DPP9: variants seen among roughly 807,000 people sequenced by gnomAD.
DPP9 encodes the protein dipeptidyl peptidase 9.
DPP9 carries 50 observed loss-of-function variants against 110.7 expected under a neutral mutation model. The ratio of observed to expected loss-of-function variants is 0.45; its 90% CI spans 0.36 to 0.57. The LOEUF is 0.57. Among genes scored for constraint, DPP9 ranks in the 20% least tolerant of loss-of-function variants. The pLI, the probability that DPP9 is intolerant of heterozygous loss-of-function variation, is 0.00. For synonymous variants in DPP9, 561 were observed against 514.4 expected (o/e 1.09, Z -1.23); for missense variants, 1,022 against 1,217.9 (o/e 0.84, Z 2.39).
At chr19:4,721,454 G>T (rs2093318386) in intron 2 of DPP9, among the ~76,000 whole-genome samples, 1 of 152,228 alleles carries the variant, frequency 6.6e-6, no homozygotes. Context: ...GACAAGCCAG[G>T]TCCCATGATG....
chr19:4,698,587 A>C lies in DPP9; in HGVS notation c.1075-936T>G, dbSNP rs1232885425. On this transcript the variant is annotated intron_variant, in intron 10 of 21. Coordinates refer to ENST00000262960, the MANE Select transcript of DPP9 (RefSeq NM_139159.5). The surrounding 1 kb of genome is among the most constrained non-coding windows in gnomAD (Gnocchi z 4.2). ...GGGAACATGGCAAGACCCCATCTCT[A>C]CAAAACCCACAATTAGTTAGGTGTG... Among the ~76,000 whole-genome samples the C allele has an allele frequency of 6.6e-6, 1 of 152,032 alleles. No homozygotes were observed. The highest frequency in any genetic ancestry group is 1.5e-5 in the Non-Finnish European group (1 of 68,010).
Position 4,705,885 on chromosome 19 carries a change from G to A in DPP9, c.399C>T (p.Ser133=), listed in dbSNP as rs1311568786. The A allele has an allele frequency of 5.6e-6, 9 of 1,613,990 alleles. No homozygotes were observed. The highest frequency in any genetic ancestry group is 7.6e-6 in the Non-Finnish European group (9 of 1,179,848). Residue 133 remains serine (S), a synonymous_variant, in exon 5 of 22, where the codon TCC becomes TCT. Transcript: ENST00000262960. ...KVRKEALLLL[S]WKQMLDHFQA... Reference sequence around the variant, plus strand: ...GGAAATGATCCAGCATCTGCTTCCAGGACAGGAGCAGCAGAGCCTCTTTCC... The same window carrying A: ...GGAAATGATCCAGCATCTGCTTCCAAGACAGGAGCAGCAGAGCCTCTTTCC...
At chr19:4,711,772 CAAAAAAAAAAAAA>C (rs752279327) in intron 4 of DPP9, among the ~76,000 whole-genome samples, 8 of 44,358 alleles carry the variant, frequency 1.8e-4, no homozygotes, top group South Asian at 1.0e-3. Flanking sequence ...GACTCCATCT[CAAAAAAAAAAAAA>C]AAAAAAAAAA....
intron 11 of DPP9, among the ~76,000 whole-genome samples, chr19:4,696,538 A>T (rs1010892749): frequency 6.6e-6 from 1 of 151,898 alleles, no homozygotes; most frequent in Non-Finnish European, 1.5e-5. Flanking sequence ...AGGGGGGCGG[A>T]TCACAAGGTC....
rs1489262584 is a variant in DPP9, at chr19:4,703,867, C to T, written c.769+19G>A. On this transcript the variant is annotated intron_variant, in intron 7 of 21. Coordinates refer to ENST00000262960, the MANE Select transcript of DPP9 (RefSeq NM_139159.5). The stretch of plus-strand genomic sequence containing the variant: ...GCCAGGTGGCTATGGTGGCCGTGCA[C>T]AGGAGGGGCTGGCCCCACCTTGGTG... 1 of 1,589,134 alleles carries T rather than the reference C, an allele frequency of 6.3e-7. No individual in the cohort carries two copies. The highest frequency in any genetic ancestry group is 1.3e-5 in the African/African-American group (1 of 74,494).
At chr19:4,702,812 G>C in intron 7 of DPP9, 96 bp from the exon 8 acceptor site, 1 of 307,858 alleles carries the variant, frequency 3.2e-6, no homozygotes, top group Non-Finnish European at 6.0e-6. Flanking sequence ...GAGAGGGAGA[G>C]AGAAGGAGGG....
chr19:4,713,738 G>A (rs528053748), intron 4 of DPP9, among the ~76,000 whole-genome samples: 74 of 152,220 alleles, frequency 4.9e-4, no homozygotes, highest in African/African-American at 1.7e-3. Flanking sequence ...GCTGGGAAGT[G>A]ACTCAGGGGG....
At chr19:4,680,019 C>T in intron 20 of DPP9, 73 bp from the exon 21 acceptor site, 2 of 1,122,934 alleles carry the variant, frequency 1.8e-6, no homozygotes, top group East Asian at 5.0e-5. Context: ...ATCACAAGGT[C>T]AGGAGTTTGA....
chr19:4,720,271 C>T (rs1226923030), intron 2 of DPP9, among the ~76,000 whole-genome samples: 2 of 152,160 alleles, frequency 1.3e-5, no homozygotes, highest in Non-Finnish European at 2.9e-5. Context: ...TCACTGTGGC[C>T]GTTGCCTGAT....
rs532638084 is a variant in DPP9, at chr19:4,698,022, G to A, written c.1075-371C>T. 3.3e-5 allele frequency among the ~76,000 whole-genome samples: 5 copies of A among 151,966 alleles called. No homozygotes were observed. Among genetic ancestry groups the A allele is most frequent in the African/African-American group, 7.2e-5 (3 of 41,544 alleles). On this transcript the variant is annotated intron_variant, in intron 10 of 21. Coordinates refer to ENST00000262960, the MANE Select transcript of DPP9 (RefSeq NM_139159.5). The surrounding 1 kb of genome is among the most constrained non-coding windows in gnomAD (Gnocchi z 4.2). ...GTGTTGGACATTATCAATTTCGGCC[G>A]TGTAAGCCTCCCAGTCTGTGGTCCT...
intron 21 of DPP9, chr19:4,679,547 T>C: frequency 2.3e-6 from 1 of 425,718 alleles, no homozygotes. Context: ...TCGGTAAGGG[T>C]TCCTCCCTCC....
chr19:4,715,741 G>A (rs1045986503), intron 3 of DPP9: 1 of 152,174 alleles, frequency 6.6e-6, no homozygotes, highest in Non-Finnish European at 1.5e-5. Context: ...GGATGTGGGA[G>A]GTGCAGGTGA....
At chr19:4,711,772 CAAAAAAAAAA>C (rs752279327) in intron 4 of DPP9, among the ~76,000 whole-genome samples, 7 of 44,356 alleles carry the variant, frequency 1.6e-4, no homozygotes, top group African/African-American at 5.2e-4. Flanking sequence ...GACTCCATCT[CAAAAAAAAAA>C]AAAAAAAAAA....
At position 4,687,143 on chromosome 19, in the gene DPP9, G is replaced by A. The variant is rs545762253; in HGVS notation, c.1886-1372C>T. On this transcript the variant is annotated intron_variant, in intron 16 of 21. Coordinates refer to ENST00000262960, the MANE Select transcript of DPP9 (RefSeq NM_139159.5). The surrounding 1 kb of genome is among the most constrained non-coding windows in gnomAD (Gnocchi z 4.7). ...TGAAGCCAGGGCTCCAGCTCCTGGC[G>A]GTGTCGGTGCGGACAGGAGAGTGAG... 2.6e-3 allele frequency among the ~76,000 whole-genome samples: 395 copies of A among 152,244 alleles called. 1 individual carries two copies. Among genetic ancestry groups the A allele is most frequent in the Non-Finnish European group, 1.8e-3 (125 of 68,010 alleles).
Position 4,689,473 on chromosome 19 carries a change from GA to G in DPP9, c.1749+96del. The G allele has an allele frequency of 2.1e-6, 3 of 1,432,524 alleles. No individual in the cohort carries two copies. The highest frequency in any genetic ancestry group is 2.8e-6 in the Non-Finnish European group (3 of 1,075,608). The allele number at this position is 1,432,524 out of a possible 1,614,324, so 88.7% of individuals were successfully genotyped here. On this transcript the variant is annotated intron_variant, in intron 15 of 21. Transcript: ENST00000262960. This position sits in a 1 kb window ranked among gnomAD's most constrained non-coding sequence, Gnocchi z 7.0. ...CAGCTATGAGAATGCGAGACCATGA[GA>G]ATGACCCTGAGTGCTGTGCCGGGCC...
chr19:4,702,545 T>A lies in DPP9; in HGVS notation c.883+58A>T, dbSNP rs764859350. The stretch of plus-strand genomic sequence containing the variant: ...AGTAAGGCGCAGGAAGGACACAGCC[T>A]GTGATTCCAGGAGGAAAAGCACGCC... On this transcript the variant is annotated intron_variant, in intron 8 of 21. Transcript: ENST00000262960. The A allele has an allele frequency of 1.6e-4, 210 of 1,326,622 alleles. 2 individuals are homozygous for A. Among genetic ancestry groups the A allele is most frequent in the Non-Finnish European group, 2.1e-4 (202 of 946,234 alleles). 82.2% of individuals were successfully genotyped at this position (1,326,622 alleles called of 1,614,324 possible).
At chr19:4,708,546 C>G (rs1464539206) in intron 4 of DPP9, among the ~76,000 whole-genome samples, 2 of 152,172 alleles carry the variant, frequency 1.3e-5, no homozygotes, top group Non-Finnish European at 2.9e-5. Flanking sequence ...CTAAATCCAT[C>G]AACGGTAGAC....
chr19:4,707,297 A>G (rs1212414468), intron 4 of DPP9, among the ~76,000 whole-genome samples: 1 of 152,052 alleles, frequency 6.6e-6, no homozygotes, highest in Non-Finnish European at 1.5e-5. Context: ...ATAACTGTGT[A>G]TTTTCCAAAT....
At chr19:4,692,001 G>T (rs1034707743) in intron 13 of DPP9, among the ~76,000 whole-genome samples, 8 of 151,746 alleles carry the variant, frequency 5.3e-5, no homozygotes, top group Non-Finnish European at 7.4e-5. Context: ...GGGGCGAGGG[G>T]GTAGAGACAG....
Sources: gnomAD v4.1 joint callset for allele counts (sites outside exome capture counted in the v4.1 genomes callset) on GRCh38, gnomAD v4.1.1 for gene constraint, Gnocchi (gnomAD v3.1) non-coding constraint, MANE v1.5 for transcripts, NCBI Gene and HGNC (gene_info 2026-07-23, HGNC 2026-07-21) for gene names.